The following XIRP2 variants were observed in gnomAD, a reference collection of about 807,000 sequenced individuals.
XIRP2 encodes xin actin binding repeat containing 2, also known as xin actin-binding repeat-containing protein 2.
In XIRP2, 236 loss-of-function variants were observed where a neutral mutation model predicts 277.0. The ratio of observed to expected loss-of-function variants is 0.85; its 90% CI spans 0.77 to 0.95. The LOEUF is 0.95. Among genes scored for constraint, XIRP2 ranks in the 40% least tolerant of loss-of-function variants. XIRP2 has a pLI of 0.00. For missense variants in XIRP2, 4,640 were observed against 4,157.5 expected (o/e 1.12, Z -3.19); for synonymous variants, 1,490 against 1,416.5 (o/e 1.05, Z -1.17).
chr2:167,151,768 A>G (rs947895496), intron 3 of XIRP2, among the ~76,000 whole-genome samples: 3 of 151,710 alleles, frequency 2.0e-5, no homozygotes, highest in African/African-American at 7.3e-5. Flanking sequence ...AATGCAGACA[A>G]TAAGTAGGTA....
intron 2 of XIRP2, among the ~76,000 whole-genome samples, chr2:166,961,360 G>A (rs1686292347): frequency 6.6e-6 from 1 of 151,674 alleles, no homozygotes; most frequent in Admixed American, 6.6e-5. Flanking sequence ...CAGAATTGAT[G>A]TTCAGTACAT....
At chr2:167,064,880 C>T (rs1210470320) in intron 2 of XIRP2, among the ~76,000 whole-genome samples, 1 of 151,868 alleles carries the variant, frequency 6.6e-6, no homozygotes, top group Non-Finnish European at 1.5e-5. Flanking sequence ...GTATATACCT[C>T]ATTTTGTTGA....
At chr2:167,177,434 G>A (rs1216226054) in intron 3 of XIRP2, among the ~76,000 whole-genome samples, 1 of 152,044 alleles carries the variant, frequency 6.6e-6, no homozygotes, top group Non-Finnish European at 1.5e-5. Context: ...AAGTTGCATT[G>A]ACATCTAATG....
intron 2 of XIRP2, among the ~76,000 whole-genome samples, chr2:167,019,272 A>G (rs1284803975): frequency 6.6e-6 from 1 of 152,054 alleles, no homozygotes; most frequent in Non-Finnish European, 1.5e-5. Context: ...AGAGTCAATT[A>G]TACAAAAAGA....
At chr2:167,207,885 G>C (rs1468352532) in intron 3 of XIRP2, among the ~76,000 whole-genome samples, 1 of 151,960 alleles carries the variant, frequency 6.6e-6, no homozygotes, top group Non-Finnish European at 1.5e-5. Context: ...ATTTTTTAGT[G>C]TTTTATTTTC....
At chr2:166,894,479 C>T (rs182817684) in intron 1 of XIRP2, among the ~76,000 whole-genome samples, 1 of 152,222 alleles carries the variant, frequency 6.6e-6, no homozygotes, top group Admixed American at 6.5e-5. Context: ...GATTTCAGGC[C>T]ACCTTCCTTA....
chr2:167,119,681 C>A (rs190468845), intron 2 of XIRP2, among the ~76,000 whole-genome samples: 7 of 152,246 alleles, frequency 4.6e-5, no homozygotes, highest in African/African-American at 1.7e-4. Context: ...ATGCATGATG[C>A]CCACAATTGC....
intron 2 of XIRP2, among the ~76,000 whole-genome samples, chr2:166,997,624 G>A (rs1186761857): frequency 6.6e-6 from 1 of 151,882 alleles, no homozygotes; most frequent in Non-Finnish European, 1.5e-5. Flanking sequence ...TTGACTTGGG[G>A]GGCCTGGCAC....
In XIRP2 at chr2:167,258,773, A is replaced by C; in HGVS notation, c.*956A>C. On this transcript the variant is annotated 3_prime_UTR_variant, in exon 11 of 11. Transcript: ENST00000409195. ...ACCCTTGTCGAGTGAAGCAAATGAC[A>C]CTGCAAATGAATATGAAATTGAGAA... The C allele has an allele frequency of 6.2e-7, 1 of 1,613,380 alleles. No homozygotes were observed. Among genetic ancestry groups the C allele is most frequent in the Non-Finnish European group, 8.5e-7 (1 of 1,179,636 alleles).
chr2:166,965,514 A>T (rs1558932308), intron 2 of XIRP2, among the ~76,000 whole-genome samples: 1 of 151,898 alleles, frequency 6.6e-6, no homozygotes, highest in Non-Finnish European at 1.5e-5. Flanking sequence ...TTAGAGACTT[A>T]ATAACAGATA....
At position 167,250,533 on chromosome 2, in the gene XIRP2, T is replaced by G. The variant is rs753580967; in HGVS notation, c.9141T>G (p.Thr3047=). ...CAGGAAAACCGGGAAATAAACCCAC[T>G]AGTCTTGATGAAACATCATCCAAAG... ...SKTGKPGNKP[T]SLDETSSKVS... is the part of the protein sequence containing the mutation. Residue 3047 remains threonine (T), a synonymous_variant, in exon 9 of 11, where the codon ACT becomes ACG. Transcript: ENST00000409195. The G allele has an allele frequency of 1.9e-6, 3 of 1,613,596 alleles. No homozygotes were observed. The highest frequency in any genetic ancestry group is 2.5e-6 in the Non-Finnish European group (3 of 1,179,688).
Position 167,258,269 on chromosome 2 carries a change from T to C in XIRP2, c.*452T>C. 1 of 1,613,356 alleles carries C rather than the reference T, an allele frequency of 6.2e-7. No individual in the cohort carries two copies. The highest frequency in any genetic ancestry group is 8.5e-7 in the Non-Finnish European group (1 of 1,179,636). On this transcript the variant is annotated 3_prime_UTR_variant, in exon 11 of 11. Coordinates refer to ENST00000409195, the MANE Select transcript of XIRP2 (RefSeq NM_152381.6). Reference sequence around the variant, plus strand: ...AATGACAACCCTGCTATCCCCTGAATTTAAAAGTGAATCTCTGCTAGAAGA... The same window carrying C: ...AATGACAACCCTGCTATCCCCTGAACTTAAAAGTGAATCTCTGCTAGAAGA...
intron 2 of XIRP2, among the ~76,000 whole-genome samples, chr2:167,053,342 T>C (rs551052128): frequency 1.3e-5 from 2 of 152,334 alleles, no homozygotes; most frequent in African/African-American, 4.8e-5. Flanking sequence ...ATTCGATATA[T>C]AGCTTAGTTC....
Position 167,106,761 on chromosome 2 carries a change from A to G in XIRP2, c.409-29148A>G, listed in dbSNP as rs559160656. The stretch of plus-strand genomic sequence containing the variant: ...TAGGAATTTGTCGTATCTATATATT[A>G]ATTTAACTAGAATTGGCATCTTTAC... On this transcript the variant is annotated intron_variant, in intron 2 of 10. Transcript: ENST00000409195. Among the ~76,000 whole-genome samples the G allele has an allele frequency of 6.6e-5, 10 of 151,732 alleles. No individual in the cohort carries two copies. In the South Asian group the frequency reaches 2.1e-3, roughly 31 times the overall value.
At chr2:166,997,669 G>A (rs1319089411) in intron 2 of XIRP2, among the ~76,000 whole-genome samples, 2 of 152,130 alleles carry the variant, frequency 1.3e-5, no homozygotes, top group Non-Finnish European at 2.9e-5. Context: ...CACTTTGGGA[G>A]GCTGAGGCAG....
intron 2 of XIRP2, among the ~76,000 whole-genome samples, chr2:167,087,832 C>A (rs1366134644): frequency 2.6e-5 from 4 of 152,142 alleles, no homozygotes; most frequent in African/African-American, 9.7e-5. Flanking sequence ...CTGACCTGCG[C>A]CCACTGTCTG....
intron 3 of XIRP2, among the ~76,000 whole-genome samples, chr2:167,168,340 C>T (rs1171206052): frequency 6.6e-6 from 1 of 152,058 alleles, no homozygotes; most frequent in East Asian, 1.9e-4. Flanking sequence ...GTTTCTTTCT[C>T]TCTATCTTCT....
intron 2 of XIRP2, among the ~76,000 whole-genome samples, chr2:167,011,571 A>C (rs942408890): frequency 2.0e-5 from 3 of 152,038 alleles, no homozygotes; most frequent in African/African-American, 7.2e-5. Context: ...TGGTATCAGG[A>C]TGATGCTGGC....
intron 2 of XIRP2, among the ~76,000 whole-genome samples, chr2:167,037,499 G>T (rs577124651): frequency 6.7e-6 from 1 of 149,388 alleles, no homozygotes; most frequent in South Asian, 2.1e-4. Flanking sequence ...TTTTTGGCTT[G>T]AGGTTTTTTC....
Sources: allele counts gnomAD v4.1 joint callset (sites outside exome capture counted in the v4.1 genomes callset), GRCh38; gene constraint gnomAD v4.1.1; transcripts MANE v1.5; gene names NCBI Gene and HGNC (gene_info 2026-07-23, HGNC 2026-07-21).